The following PKD1L1 variants were observed in gnomAD, a reference collection of about 807,000 sequenced individuals.
The protein encoded by PKD1L1 is polycystin 1 like 1, transient receptor potential channel interacting.
Under a neutral mutation model 323.4 loss-of-function variants are expected in PKD1L1, and 236 were observed. That is an observed-to-expected ratio of 0.73 (90% CI 0.66 to 0.81). The LOEUF (loss-of-function observed/expected upper bound fraction) is 0.81. PKD1L1 is among the 40% of genes least tolerant of loss of function. The pLI is 0.00. For synonymous variants in PKD1L1, 1,344 were observed against 1,335.0 expected, an observed-to-expected ratio of 1.01 and a Z score of -0.15; for missense variants, 3,320 against 3,508.0, an observed-to-expected ratio of 0.95 and a Z score of 1.35.
At chr7:47,890,918 G>C (rs1177157336) in intron 15 of PKD1L1, among the ~76,000 whole-genome samples, 155 bp from the exon 16 acceptor site, 1 of 152,216 alleles carries the variant, frequency 6.6e-6, no homozygotes, top group Non-Finnish European at 1.5e-5. Context: ...TGTAACTGAA[G>C]TGGGAGGTTG....
chr7:47,865,304 G>C (rs1273812937), intron 25 of PKD1L1, 32 bp from the exon 26 acceptor site: 1 of 1,584,546 alleles, frequency 6.3e-7, no homozygotes, highest in South Asian at 1.1e-5. Flanking sequence ...AAAACAAAAA[G>C]AAAATGCAAG....
chr7:47,827,031 T>TTG lies in PKD1L1; in HGVS notation c.6854+317_6854+318dup, dbSNP rs566458862. On this transcript the variant is annotated intron_variant, in intron 45 of 56. Coordinates refer to ENST00000289672, the MANE Select transcript of PKD1L1 (RefSeq NM_138295.5). ...ACGTATGGGGTGGGATGAAATCCAA[T>TTG]TGTGTGTGTGAATCCATGCTGGATT... 1.5e-3 allele frequency among the ~76,000 whole-genome samples: 234 copies of TTG among 152,180 alleles called. 1 individual carries two copies. Among genetic ancestry groups the TTG allele is most frequent in the African/African-American group, 5.3e-3 (218 of 41,516 alleles).
At chr7:47,836,847 G>A (rs1376750696) in intron 37 of PKD1L1, 74 bp downstream of exon 37, 8 of 1,489,684 alleles carry the variant, frequency 5.4e-6, no homozygotes, top group Non-Finnish European at 6.4e-6. Context: ...GAGCTTTGTT[G>A]ATTTCTTAGG....
At chr7:47,928,978 G>A (rs1163785944) in intron 7 of PKD1L1, among the ~76,000 whole-genome samples, 1 of 152,220 alleles carries the variant, frequency 6.6e-6, no homozygotes, top group Non-Finnish European at 1.5e-5. Context: ...CAAGTGGAAA[G>A]ATTAAATGCA....
At chr7:47,938,283 G>A (rs944498285) in intron 3 of PKD1L1, among the ~76,000 whole-genome samples, 2 of 152,152 alleles carry the variant, frequency 1.3e-5, no homozygotes, top group African/African-American at 4.8e-5. Flanking sequence ...AAGGTGTCAA[G>A]AAGGCCAGAG....
intron 22 of PKD1L1, among the ~76,000 whole-genome samples, chr7:47,877,065 T>C (rs1022541664): frequency 2.6e-5 from 4 of 152,134 alleles, no homozygotes; most frequent in Admixed American, 1.3e-4. Flanking sequence ...AAAATCACAA[T>C]GGTCTTCTCC....
intron 45 of PKD1L1, among the ~76,000 whole-genome samples, chr7:47,826,189 C>T (rs1785237342): frequency 6.6e-6 from 1 of 152,204 alleles, no homozygotes; most frequent in African/African-American, 2.4e-5. Context: ...CTTCCCGCCA[C>T]CATGTTCCGT....
At chr7:47,907,579 A>G (rs1787232358) in intron 9 of PKD1L1, among the ~76,000 whole-genome samples, 1 of 152,164 alleles carries the variant, frequency 6.6e-6, no homozygotes, top group Non-Finnish European at 1.5e-5. Context: ...TCCTTCATCA[A>G]TGCATCAGTG....
intron 44 of PKD1L1, among the ~76,000 whole-genome samples, chr7:47,827,958 T>C (rs1785270233): frequency 6.6e-6 from 1 of 152,246 alleles, no homozygotes. Context: ...GAACTCATTG[T>C]AGGTATTCAT....
In PKD1L1 at chr7:47,774,644, T is replaced by C; in HGVS notation, c.*499A>G. On this transcript the variant is annotated 3_prime_UTR_variant, in exon 57 of 57. Transcript: ENST00000289672. ...TTTGAATAACCATTTTATATTGAAT[T>C]AGTAAATCAGGAAAGATGCGTTATT... 1 of 152,366 alleles carries C rather than the reference T, an allele frequency of 6.6e-6. No individual in the cohort carries two copies. Among genetic ancestry groups the C allele is most frequent in the East Asian group, 1.9e-4 (1 of 5,200 alleles). The allele number at this position is 152,366 out of a possible 1,614,324, so 9.4% of individuals were successfully genotyped here. A position where few individuals can be genotyped will look rare whatever the true frequency, so the allele number is the denominator to read the frequency against.
chr7:47,876,439 G>A (rs938191175), intron 22 of PKD1L1, among the ~76,000 whole-genome samples: 1 of 151,922 alleles, frequency 6.6e-6, no homozygotes, highest in Non-Finnish European at 1.5e-5. Flanking sequence ...ACAACACTGA[G>A]ATTCCCCACC....
Position 47,862,119 on chromosome 7 carries a change from C to T in PKD1L1, c.4149+3097G>A, listed in dbSNP as rs138230572. Among the ~76,000 whole-genome samples, 878 of 151,236 alleles carry T rather than the reference C, an allele frequency of 5.8e-3. 7 individuals carry two copies. The highest frequency in any genetic ancestry group is 8.8e-3 in the Non-Finnish European group (598 of 67,830). ...CTGAGACAGGAGAATCACTTGAACC[C>T]GGAAGGCAGAGGTTTCAGTGAGCCA... On this transcript the variant is annotated intron_variant, in intron 26 of 56. Coordinates refer to ENST00000289672, the MANE Select transcript of PKD1L1 (RefSeq NM_138295.5).
In PKD1L1 at chr7:47,940,290, A is replaced by G. The variant is rs1787957201; in HGVS notation, c.188T>C (p.Met63Thr). Residue 63 changes from methionine to threonine, a missense_variant, in exon 3 of 57, where the codon ATG (methionine) becomes ACG (threonine). Transcript: ENST00000289672. ...AGGACAGCCACACTTCCCATCACTCATAAGAAGCACATGATTAGCATAGAC... is the reference window on the plus strand; with the variant it reads ...AGGACAGCCACACTTCCCATCACTCGTAAGAAGCACATGATTAGCATAGAC... ...VEVYANHVLL[M>T]SDGKCGCPWC... 3 of 1,613,902 alleles carry G rather than the reference A, an allele frequency of 1.9e-6. No individual in the cohort carries two copies. Among genetic ancestry groups the G allele is most frequent in the African/African-American group, 1.3e-5 (1 of 74,890 alleles).
intron 36 of PKD1L1, among the ~76,000 whole-genome samples, chr7:47,838,294 C>A (rs775399754): frequency 2.0e-5 from 3 of 152,166 alleles, no homozygotes; most frequent in Non-Finnish European, 4.4e-5. Flanking sequence ...GGCAACAGGG[C>A]GGGTTGGAAA....
rs910092348 is a variant in PKD1L1 at position 47,789,589 on chromosome 7, G to T, written c.8526+3038C>A. 2.6e-5 allele frequency among the ~76,000 whole-genome samples: 4 copies of T among 151,970 alleles called. No individual in the cohort carries two copies. In the South Asian group the frequency reaches 8.3e-4, roughly 32 times the overall value. ...CTGTGTGTATATTTGTGTGTGTTGT[G>T]AATTTTTCCTATTTGAGCTGAACAC... On this transcript the variant is annotated intron_variant, in intron 56 of 56. Coordinates refer to ENST00000289672, the MANE Select transcript of PKD1L1 (RefSeq NM_138295.5).
intron 55 of PKD1L1, among the ~76,000 whole-genome samples, chr7:47,793,576 CT>C (rs1163453887): frequency 6.6e-6 from 1 of 152,158 alleles, no homozygotes; most frequent in East Asian, 1.9e-4. Flanking sequence ...AATTAAATAT[CT>C]TTTTGTCCCC....
At chr7:47,905,745 G>A in intron 10 of PKD1L1, 98 bp downstream of exon 10, 2 of 1,504,058 alleles carry the variant, frequency 1.3e-6, no homozygotes, top group Non-Finnish European at 1.8e-6. Flanking sequence ...CTCCAGCAGA[G>A]CCGATAACAA....
At chr7:47,838,801 C>G (rs1212937674) in intron 36 of PKD1L1, among the ~76,000 whole-genome samples, 1 of 149,598 alleles carries the variant, frequency 6.7e-6, no homozygotes, top group Non-Finnish European at 1.5e-5. Context: ...TCACTTGAAC[C>G]CGGGAGGCAG....
chr7:47,831,184 A>G, intron 42 of PKD1L1, 33 bp downstream of exon 42: 2 of 1,594,412 alleles, frequency 1.3e-6, no homozygotes, highest in East Asian at 4.5e-5. Context: ...CCATCTGAGG[A>G]CCTGAGGATG....
Sources: gnomAD v4.1 joint callset for allele counts (sites outside exome capture counted in the v4.1 genomes callset) on GRCh38, gnomAD v4.1.1 for gene constraint, MANE v1.5 for transcripts, NCBI Gene and HGNC (gene_info 2026-07-23, HGNC 2026-07-21) for gene names.